The following ERI1 variants were observed in gnomAD, a reference collection of about 807,000 sequenced individuals.
ERI1 encodes 3'-5' exoribonuclease 1.
Under a neutral mutation model 39.7 loss-of-function variants are expected in ERI1, and 39 were observed. The observed-to-expected ratio is 0.98, with a 90% CI of 0.76 to 1.28. The LOEUF (loss-of-function observed/expected upper bound fraction) is 1.28. Ranked by LOEUF, ERI1 falls within the 50% of genes most tolerant of loss-of-function variation. The pLI is 0.00. For synonymous variants in ERI1, 204 were observed against 149.6 expected, an observed-to-expected ratio of 1.36 and a Z score of -2.65; for missense variants, 581 against 416.9, an observed-to-expected ratio of 1.39 and a Z score of -3.43.
chr8:9,069,575 A>G (rs1046004774), intron 3 of ERI1, among the ~76,000 whole-genome samples: 7 of 152,300 alleles, frequency 4.6e-5, no homozygotes, highest in East Asian at 1.9e-4. Flanking sequence ...TTTGCTCAAG[A>G]TGAGAGTATA....
rs183862226 is a variant in ERI1, at chr8:9,007,086, C to A, written c.109-884C>A. Reference sequence around the variant, plus strand: ...GATATTGCATGTGGAAAATAACTTACAAATGAATCTTTGGAACTTAACATA... The same window carrying A: ...GATATTGCATGTGGAAAATAACTTAAAAATGAATCTTTGGAACTTAACATA... On this transcript the variant is annotated intron_variant, in intron 1 of 6. Transcript: ENST00000250263. Among the ~76,000 whole-genome samples, 1,218 of 152,260 alleles carry A rather than the reference C, an allele frequency of 8.0e-3. 43 individuals are homozygous for A. The highest frequency in any genetic ancestry group is 0.06 in the Admixed American group (916 of 15,278).
chr8:9,020,310 C>T (rs200874328), intron 5 of ERI1, 40 bp from the exon 6 acceptor site: 67 of 1,095,326 alleles, frequency 6.1e-5, no homozygotes, highest in African/African-American at 5.2e-4. Flanking sequence ...AATAGCATAG[C>T]GTTTATTTCA....
At chr8:9,037,080 T>C (rs567496559), downstream of ERI1, among the ~76,000 whole-genome samples, 3 of 152,352 alleles carry the variant, frequency 2.0e-5, no homozygotes, top group African/African-American at 4.8e-5. Context: ...TGTCTCTTCC[T>C]GTATACCACT....
intron 3 of ERI1, chr8:9,072,578 A>C (rs531040408): frequency 6.6e-6 from 1 of 152,092 alleles, no homozygotes; most frequent in African/African-American, 2.4e-5. Flanking sequence ...CGCCGCCTCT[A>C]TCTCTGTCCC....
chr8:9,052,346 A>G (rs1224373945), intron 3 of ERI1, among the ~76,000 whole-genome samples: 1 of 152,024 alleles, frequency 6.6e-6, no homozygotes, highest in Non-Finnish European at 1.5e-5. Flanking sequence ...ATCCCCTTTA[A>G]GCAAAATTGA....
chr8:9,049,336 C>CAAAAAAA (rs3989371), intron 3 of ERI1, among the ~76,000 whole-genome samples: 4 of 33,244 alleles, frequency 1.2e-4, no homozygotes, highest in Admixed American at 9.3e-4. Flanking sequence ...ACTCCGTCTC[C>CAAAAAAA]AAAAAAAAAA....
intron 2 of ERI1, among the ~76,000 whole-genome samples, chr8:9,008,465 T>G (rs1585185952): frequency 1.3e-5 from 2 of 152,328 alleles, no homozygotes; most frequent in African/African-American, 4.8e-5. Flanking sequence ...GTTATATTAG[T>G]GAGATAGAGT....
At chr8:9,009,401 G>C (rs762391167) in intron 2 of ERI1, among the ~76,000 whole-genome samples, 1 of 152,140 alleles carries the variant, frequency 6.6e-6, no homozygotes, top group Non-Finnish European at 1.5e-5. Context: ...GAAAAGGGAG[G>C]GGGAGGGTAT....
chr8:9,003,376 G>A (rs1456042595), intron 1 of ERI1, among the ~76,000 whole-genome samples: 1 of 152,218 alleles, frequency 6.6e-6, no homozygotes, highest in African/African-American at 2.4e-5. Flanking sequence ...TCTCTGGGAG[G>A]GAGGAAATCG....
chr8:9,013,019 C>A (rs988860981), intron 3 of ERI1, among the ~76,000 whole-genome samples: 3 of 121,886 alleles, frequency 2.5e-5, no homozygotes, highest in African/African-American at 3.8e-5. Context: ...TGACCATTCT[C>A]ACTTTTTTTT....
At chr8:9,064,975 A>C (rs1798829361) in intron 3 of ERI1, among the ~76,000 whole-genome samples, 1 of 152,158 alleles carries the variant, frequency 6.6e-6, no homozygotes, top group African/African-American at 2.4e-5. Flanking sequence ...TCTGGCAGGA[A>C]GGAGTGGGGG....
intron 2 of ERI1, chr8:9,009,277 C>G (rs1313939180): frequency 5.6e-5 from 19 of 341,006 alleles, no homozygotes; most frequent in African/African-American, 2.6e-4. Flanking sequence ...AAGAAATCAT[C>G]ACAATACAGA....
chr8:9,040,669 A>G (rs1797987279), intron 3 of ERI1, among the ~76,000 whole-genome samples: 1 of 151,828 alleles, frequency 6.6e-6, no homozygotes, highest in East Asian at 1.9e-4. Flanking sequence ...TCCAGTGTTG[A>G]AAATTTCTGT....
At position 9,029,938 on chromosome 8, in the gene ERI1, C is replaced by G. The variant is rs771823289; in HGVS notation, c.954C>G (p.Ile318Met). 1.7e-5 allele frequency: 28 copies of G among 1,613,982 alleles called. No individual in the cohort carries two copies. Among genetic ancestry groups the G allele is most frequent in the Middle Eastern group, 1.6e-4 (1 of 6,084 alleles). ...RMLQDGCELR[I>M]NEKMHAGQLM... ...TTCAGGATGGGTGTGAACTCCGAAT[C>G]AACGAGAAAATGCATGCAGGACAGC... is the stretch of plus-strand genomic sequence containing the variant. Residue 318 changes from isoleucine to methionine, a missense_variant, in exon 7 of 7, where the codon ATC becomes ATG. Transcript: ENST00000250263.
At chr8:9,044,583 G>C (rs1410041288) in intron 3 of ERI1, among the ~76,000 whole-genome samples, 1 of 152,172 alleles carries the variant, frequency 6.6e-6, no homozygotes, top group Non-Finnish European at 1.5e-5. Flanking sequence ...TGTAGGAGCA[G>C]AAGCAAAGCT....
chr8:9,016,336 G>T lies in ERI1; in HGVS notation c.513G>T (p.Gln171His), dbSNP rs200548227. ...TTCCCTTGCAGGAAGACACGTTTCA[G>T]CAGTATGTAAGACCAGAGATTAACA... is the stretch of plus-strand genomic sequence containing the variant. ...THTLEIEDTF[Q>H]QYVRPEINTQ... Residue 171 changes from glutamine to histidine, a missense_variant, in exon 4 of 7, where the codon CAG becomes CAT. Coordinates refer to ENST00000250263, the MANE Select transcript of ERI1 (RefSeq NM_153332.4). 2.5e-6 allele frequency: 4 copies of T among 1,602,170 alleles called. No homozygotes were observed. The East Asian group carries it at 9.1e-5, about 36-fold the overall frequency.
At chr8:9,015,722 C>CAAAAAAAAAAAAAAAAAAAAA (rs758835506) in intron 3 of ERI1, among the ~76,000 whole-genome samples, 1 of 56,584 alleles carries the variant, frequency 1.8e-5, no homozygotes, top group African/African-American at 8.1e-5. Context: ...ACTCTGTCTC[C>CAAAAAAAAAAAAAAAAAAAAA]AAAAAAAAAA....
chr8:9,030,222 A>G lies in ERI1; in HGVS notation c.*188A>G, dbSNP rs1017948113. ...AGGAAGGCATACTGAATTCTTTGTC[A>G]CCAGCACTTTTGATATGAACAGTAT... On this transcript the variant is annotated 3_prime_UTR_variant, in exon 7 of 7. Transcript: ENST00000250263. 11 of 710,750 alleles carry G rather than the reference A, an allele frequency of 1.5e-5. No homozygotes were observed. The highest frequency in any genetic ancestry group is 2.5e-5 in the Non-Finnish European group (11 of 443,002). The allele number at this position is 710,750 out of a possible 1,614,324, so 44.0% of individuals were successfully genotyped here. A position where few individuals can be genotyped will look rare whatever the true frequency, so the allele number is the denominator to read the frequency against.
chr8:9,010,362 A>G (rs1334183142), intron 2 of ERI1, among the ~76,000 whole-genome samples: 1 of 152,220 alleles, frequency 6.6e-6, no homozygotes, highest in African/African-American at 2.4e-5. Flanking sequence ...CTGTCACATG[A>G]CACAGAGGTC....
Sources: allele counts gnomAD v4.1 joint callset (sites outside exome capture counted in the v4.1 genomes callset), GRCh38; gene constraint gnomAD v4.1.1; transcripts MANE v1.5; gene names NCBI Gene and HGNC (gene_info 2026-07-23, HGNC 2026-07-21).